The following LARP6 variants were observed in gnomAD, a reference collection of about 807,000 sequenced individuals.
LARP6 encodes la-related protein 6.
LARP6 carries 18 observed loss-of-function variants against 32.8 expected under a neutral mutation model. The observed-to-expected ratio is 0.55, with a 90% CI of 0.38 to 0.81. The LOEUF is 0.81. LARP6 is among the 40% of genes least tolerant of loss of function. The probability of loss-of-function intolerance (pLI) is 0.00; values close to 1 mark genes in which losing one functional copy is unlikely to be tolerated. For missense variants in LARP6, 598 were observed against 663.1 expected (o/e 0.90, Z 1.08); for synonymous variants, 289 against 267.2 (o/e 1.08, Z -0.80).
intron 1 of LARP6, chr15:70,851,524 A>G: frequency 6.7e-7 from 1 of 1,494,006 alleles, no homozygotes; most frequent in Non-Finnish European, 9.0e-7. Flanking sequence ...AAAAGGAATA[A>G]GATAAGGCAG....
chr15:70,838,950 C>G (rs1050384099), intron 1 of LARP6, among the ~76,000 whole-genome samples: 105 of 146,866 alleles, frequency 7.1e-4, no homozygotes, highest in African/African-American at 2.5e-3. Context: ...CTGTGGAATA[C>G]TCAAAATGAG....
intron 2 of LARP6, 75 bp downstream of exon 2, chr15:70,836,220 T>G: frequency 7.8e-7 from 1 of 1,290,070 alleles, no homozygotes. Context: ...TCAAGGGAGT[T>G]AAAAAAAATG....
intron 1 of LARP6, among the ~76,000 whole-genome samples, chr15:70,843,649 CTTTTTTTT>C (rs67996815): frequency 1.1e-4 from 9 of 80,618 alleles, no homozygotes; most frequent in African/African-American, 2.7e-4. Flanking sequence ...GTTTTGGTGT[CTTTTTTTT>C]TTTTTTTTTT....
At chr15:70,841,836 C>A (rs931178995) in intron 1 of LARP6, among the ~76,000 whole-genome samples, 19 of 152,128 alleles carry the variant, frequency 1.2e-4, no homozygotes, top group African/African-American at 3.6e-4. Context: ...GAGCCAAGAG[C>A]CAATCAAGCC....
rs376173501 is a variant in LARP6, at chr15:70,832,480, T to C, written c.1048A>G (p.Met350Val). ...GTGGCCGCGTGCCGTCGGCCCGCCA[T>C]AGGGGATGTGGGGTTGCTCTCGGGG... ...SDPESNPTSPMAGRRHAATNK... is the reference protein window; with the variant it reads ...SDPESNPTSPVAGRRHAATNK... The change falls in exon 3 of 3, where the codon ATG becomes GTG. Residue 350 changes from methionine to valine, a missense_variant. This residue lies in a region of LARP6 where 368 missense variants were observed against 397.9 expected (regional missense o/e 0.92). Coordinates refer to ENST00000299213, the MANE Select transcript of LARP6 (RefSeq NM_018357.4). The C allele has an allele frequency of 1.9e-6, 3 of 1,549,946 alleles. No homozygotes were observed. The highest frequency in any genetic ancestry group is 1.4e-5 in the African/African-American group (1 of 72,482).
chr15:70,841,517 C>T (rs946082640), intron 1 of LARP6, among the ~76,000 whole-genome samples: 1 of 152,146 alleles, frequency 6.6e-6, no homozygotes, highest in Non-Finnish European at 1.5e-5. Context: ...GCAGATCTCA[C>T]GTTGAATTGT....
At chr15:70,842,452 A>G (rs1339358439) in intron 1 of LARP6, among the ~76,000 whole-genome samples, 2 of 151,802 alleles carry the variant, frequency 1.3e-5, no homozygotes, top group African/African-American at 4.8e-5. Context: ...TCAAATTCAA[A>G]TCTACCCCCC....
At chr15:70,852,641 C>T (rs1031426608) in intron 1 of LARP6, among the ~76,000 whole-genome samples, 4 of 152,188 alleles carry the variant, frequency 2.6e-5, no homozygotes, top group African/African-American at 4.8e-5. Flanking sequence ...TTTATGCTCT[C>T]GGTACTTGGC....
chr15:70,852,945 A>G (rs2032514579), intron 1 of LARP6, among the ~76,000 whole-genome samples: 1 of 152,218 alleles, frequency 6.6e-6, no homozygotes, highest in South Asian at 2.1e-4. Context: ...GAACCTTAAC[A>G]GCTAAACGCC....
At chr15:70,838,550 C>T (rs2032190337) in intron 1 of LARP6, among the ~76,000 whole-genome samples, 14 of 152,154 alleles carry the variant, frequency 9.2e-5, no homozygotes, top group Admixed American at 9.2e-4. Context: ...ATAAAGCCCA[C>T]TATCACCAGC....
intron 1 of LARP6, among the ~76,000 whole-genome samples, chr15:70,840,353 A>G (rs2032230055): frequency 6.6e-6 from 1 of 152,212 alleles, no homozygotes; most frequent in Non-Finnish European, 1.5e-5. Flanking sequence ...CAGCCTGGCC[A>G]ACATGGTGAA....
At position 70,832,179 on chromosome 15, in the gene LARP6, G is replaced by T; in HGVS notation, c.1349C>A (p.Thr450Lys). ...EMGTQEKSPGTSPLLSRKMQT... is the reference protein window; with the variant it reads ...EMGTQEKSPGKSPLLSRKMQT... ...CATCTTCCGGGAGAGCAGGGGACTC[G>T]TACCGGGGCTTTTCTCCTGGGTCCC... Residue 450 changes from threonine (T) to lysine (K), a missense_variant, in exon 3 of 3, where the codon ACG (threonine) becomes AAG (lysine). Physicochemically the swap from Thr to Lys is moderately conservative, Grantham distance 78. Transcript: ENST00000299213. 6.2e-7 allele frequency: 1 copy of T among 1,613,922 alleles called. No individual in the cohort carries two copies. Among genetic ancestry groups the T allele is most frequent in the Non-Finnish European group, 8.5e-7 (1 of 1,179,890 alleles).
At chr15:70,833,866 G>A (rs1224479837) in intron 2 of LARP6, among the ~76,000 whole-genome samples, 1 of 152,170 alleles carries the variant, frequency 6.6e-6, no homozygotes, top group African/African-American at 2.4e-5. Flanking sequence ...TCCAACTTGG[G>A]CCTCACTAAG....
intron 1 of LARP6, among the ~76,000 whole-genome samples, chr15:70,840,983 G>A (rs1004765769): frequency 4.0e-5 from 6 of 149,620 alleles, no homozygotes; most frequent in Non-Finnish European, 7.4e-5. Flanking sequence ...GCACTGTCTC[G>A]GCTCACTGCA....
At chr15:70,835,465 A>C (rs2032129536) in intron 2 of LARP6, among the ~76,000 whole-genome samples, 1 of 152,236 alleles carries the variant, frequency 6.6e-6, no homozygotes, top group Non-Finnish European at 1.5e-5. Flanking sequence ...AATAAAGGAA[A>C]AAGAGCGACA....
At chr15:70,849,652 A>C (rs1470552223) in intron 1 of LARP6, 1 of 152,226 alleles carries the variant, frequency 6.6e-6, no homozygotes, top group East Asian at 1.9e-4. Context: ...AGACACAAGG[A>C]GGCCAGCTTC....
chr15:70,844,751 G>C (rs375322962), intron 1 of LARP6, among the ~76,000 whole-genome samples: 3 of 152,074 alleles, frequency 2.0e-5, no homozygotes, highest in African/African-American at 7.2e-5. Context: ...AATTTTAGTA[G>C]TTATTTATTT....
chr15:70,846,704 A>G (rs1052786037), intron 1 of LARP6, among the ~76,000 whole-genome samples: 2 of 152,156 alleles, frequency 1.3e-5, no homozygotes, highest in Non-Finnish European at 2.9e-5. Context: ...CTCATTTAGA[A>G]TCTGGCTGTA....
chr15:70,837,557 A>G (rs1242625637), intron 1 of LARP6, among the ~76,000 whole-genome samples: 1 of 152,178 alleles, frequency 6.6e-6, no homozygotes, highest in South Asian at 2.1e-4. Flanking sequence ...CCTTTCGGTA[A>G]GATCATCCAT....
Sources: gnomAD v4.1 joint callset for allele counts (sites outside exome capture counted in the v4.1 genomes callset) on GRCh38, gnomAD v4.1.1 for gene constraint, gnomAD v4.1.1 regional missense constraint, MANE v1.5 for transcripts, NCBI Gene and HGNC (gene_info 2026-07-23, HGNC 2026-07-21) for gene names.